CDH18: variants seen among roughly 807,000 people sequenced by gnomAD.
CDH18 encodes cadherin-18.
In CDH18, 31 loss-of-function variants were observed where a neutral mutation model predicts 67.9. The ratio of observed to expected loss-of-function variants is 0.46; its 90% CI spans 0.34 to 0.62. The LOEUF (loss-of-function observed/expected upper bound fraction) is 0.62, where lower values mean the gene tolerates loss of function less well. Among genes scored for constraint, CDH18 ranks in the 20% least tolerant of loss-of-function variants. The pLI is 0.01. For missense variants in CDH18, 890 were observed against 975.5 expected (o/e 0.91, Z 1.17); for synonymous variants, 362 against 347.2 (o/e 1.04, Z -0.48).
chr5:20,051,189 A>G (rs1741388305), intron 2 of CDH18, among the ~76,000 whole-genome samples: 1 of 151,976 alleles, frequency 6.6e-6, no homozygotes, highest in African/African-American at 2.4e-5. Context: ...AACTTAAAGC[A>G]TAAATTAGCT....
chr5:19,777,671 G>T (rs186770074), intron 3 of CDH18, among the ~76,000 whole-genome samples: 2 of 152,308 alleles, frequency 1.3e-5, no homozygotes, highest in African/African-American at 4.8e-5. Flanking sequence ...AGTAGGTAAA[G>T]AATTGCCAAA....
At chr5:19,575,965 T>G (rs549738278) in intron 7 of CDH18, among the ~76,000 whole-genome samples, 1 of 152,230 alleles carries the variant, frequency 6.6e-6, no homozygotes, top group African/African-American at 2.4e-5. Flanking sequence ...AATTTTGCAG[T>G]TATAGGTGAT....
intron 3 of CDH18, among the ~76,000 whole-genome samples, chr5:19,811,098 GA>G (rs1264413473): frequency 9.0e-5 from 4 of 44,356 alleles, no homozygotes; most frequent in Non-Finnish European, 1.7e-4. Context: ...AAGAAAGAAA[GA>G]AAGAAAGAAA....
At chr5:20,571,185 G>A (rs1249255946) in intron 1 of CDH18, among the ~76,000 whole-genome samples, 5 of 151,934 alleles carry the variant, frequency 3.3e-5, no homozygotes, top group South Asian at 2.1e-4. Context: ...ACACCTCTAC[G>A]TCTTTACCAT....
At chr5:20,114,387 A>G (rs1747723149) in intron 2 of CDH18, among the ~76,000 whole-genome samples, 1 of 152,120 alleles carries the variant, frequency 6.6e-6, no homozygotes, top group South Asian at 2.1e-4. Context: ...GAGACCCGAT[A>G]ATATTTACAT....
chr5:19,732,852 A>G (rs867345171), intron 4 of CDH18, among the ~76,000 whole-genome samples: 1 of 152,124 alleles, frequency 6.6e-6, no homozygotes, highest in African/African-American at 2.4e-5. Flanking sequence ...TGATCCATGC[A>G]TACTTAACCT....
At chr5:20,504,038 G>GA (rs201250312) in intron 1 of CDH18, among the ~76,000 whole-genome samples, 143 of 142,216 alleles carry the variant, frequency 1.0e-3, no homozygotes, top group African/African-American at 1.6e-3. Context: ...ACTCTGTCAA[G>GA]AAAAAAAAAA....
intron 1 of CDH18, among the ~76,000 whole-genome samples, chr5:20,574,943 T>C (rs1759034388): frequency 6.6e-6 from 1 of 151,878 alleles, no homozygotes; most frequent in African/African-American, 2.4e-5. Flanking sequence ...ATTGTGTTTG[T>C]ATTGAAGAGT....
chr5:19,542,697 A>G (rs1174157165), intron 9 of CDH18, among the ~76,000 whole-genome samples: 1 of 152,206 alleles, frequency 6.6e-6, no homozygotes, highest in East Asian at 1.9e-4. Context: ...TATATAGCAA[A>G]GCAATAGCAG....
intron 2 of CDH18, among the ~76,000 whole-genome samples, chr5:19,845,280 T>G (rs531711494): frequency 7.2e-4 from 109 of 152,186 alleles, no homozygotes; most frequent in Non-Finnish European, 1.3e-3. Context: ...CCATTGGTTG[T>G]TCAAGAATGT....
chr5:20,301,576 G>A (rs1227257566), intron 1 of CDH18, among the ~76,000 whole-genome samples: 1 of 152,084 alleles, frequency 6.6e-6, no homozygotes, highest in Non-Finnish European at 1.5e-5. Flanking sequence ...GACTCATCAG[G>A]GGTTTAGGAG....
intron 2 of CDH18, among the ~76,000 whole-genome samples, chr5:19,877,637 T>G (rs954012474): frequency 6.6e-6 from 1 of 152,152 alleles, no homozygotes; most frequent in Non-Finnish European, 1.5e-5. Context: ...AAAATAGAAC[T>G]GGTCCTTTCC....
chr5:20,096,377 T>C (rs1485456531), intron 2 of CDH18, among the ~76,000 whole-genome samples: 1 of 152,116 alleles, frequency 6.6e-6, no homozygotes. Context: ...GAAAAAAATG[T>C]ACCACATATT....
chr5:20,412,380 A>T (rs1479475511), intron 1 of CDH18, among the ~76,000 whole-genome samples: 1 of 152,202 alleles, frequency 6.6e-6, no homozygotes, highest in Non-Finnish European at 1.5e-5. Context: ...AGATGGAATA[A>T]AGTCCTCAAA....
intron 1 of CDH18, among the ~76,000 whole-genome samples, chr5:20,350,212 A>G (rs1351383698): frequency 1.3e-5 from 2 of 152,178 alleles, no homozygotes; most frequent in Non-Finnish European, 2.9e-5. Flanking sequence ...TCTCATAATA[A>G]TACCTCTAAC....
At chr5:19,587,360 T>A (rs1326638193) in intron 7 of CDH18, among the ~76,000 whole-genome samples, 1 of 152,218 alleles carries the variant, frequency 6.6e-6, no homozygotes, top group African/African-American at 2.4e-5. Flanking sequence ...ATGATATCTT[T>A]GCCTGTGCCT....
chr5:19,544,010 A>AGCT lies in CDH18; in HGVS notation c.1254-6_1254-5insAGC. On this transcript the variant is annotated splice_region_variant and splice_polypyrimidine_tract_variant and intron_variant, in intron 8 of 12. Coordinates refer to ENST00000382275, the MANE Select transcript of CDH18 (RefSeq NM_004934.5). The stretch of plus-strand genomic sequence containing the variant: ...ACATTGTAGTTGATGAAGTATCTAG[A>AGCT]GAAAAAAAGAGAAGTTTTTACTTGA... 1 of 1,512,756 alleles carries AGCT rather than the reference A, an allele frequency of 6.6e-7. No homozygotes were observed. Among genetic ancestry groups the AGCT allele is most frequent in the South Asian group, 1.3e-5 (1 of 77,718 alleles). 93.7% of individuals were successfully genotyped at this position (1,512,756 alleles called of 1,614,324 possible). A position where few individuals can be genotyped will look rare whatever the true frequency, so the allele number is the denominator to read the frequency against.
intron 5 of CDH18, among the ~76,000 whole-genome samples, chr5:19,640,998 A>C (rs1753910160): frequency 1.3e-5 from 2 of 152,112 alleles, no homozygotes; most frequent in Admixed American, 1.3e-4. Context: ...AGGAGATGCT[A>C]CAATGGATGC....
intron 1 of CDH18, among the ~76,000 whole-genome samples, chr5:20,351,276 A>T (rs541043822): frequency 6.6e-6 from 1 of 150,742 alleles, no homozygotes; most frequent in South Asian, 2.1e-4. Context: ...TCACTGATAC[A>T]TCAAATGGTT....
Sources: gnomAD v4.1 joint callset for allele counts (sites outside exome capture counted in the v4.1 genomes callset) on GRCh38, gnomAD v4.1.1 for gene constraint, MANE v1.5 for transcripts, NCBI Gene and HGNC (gene_info 2026-07-23, HGNC 2026-07-21) for gene names.